The following LRRC4C variants were observed in gnomAD, a reference collection of about 807,000 sequenced individuals.
LRRC4C encodes the protein leucine rich repeat containing 4C.
LRRC4C carries 5 observed loss-of-function variants against 33.6 expected under a neutral mutation model. That is an observed-to-expected ratio of 0.15 (90% CI 0.08 to 0.31). The LOEUF (loss-of-function observed/expected upper bound fraction) is 0.31. Among genes scored for constraint, LRRC4C ranks in the 10% least tolerant of loss-of-function variants. The probability of loss-of-function intolerance (pLI) is 1.00; values close to 1 mark genes in which losing one functional copy is unlikely to be tolerated. For missense variants in LRRC4C, 560 were observed against 796.7 expected (o/e 0.70, Z 3.58); for synonymous variants, 329 against 302.0 (o/e 1.09, Z -0.93).
intron 2 of LRRC4C, among the ~76,000 whole-genome samples, chr11:40,688,213 G>C (rs555524879): frequency 4.2e-4 from 64 of 152,184 alleles, no homozygotes; most frequent in Non-Finnish European, 7.9e-4. Context: ...TTATCACACA[G>C]AGCTGCCCAG....
chr11:40,785,485 A>G (rs1448198399), intron 2 of LRRC4C, among the ~76,000 whole-genome samples: 1 of 152,184 alleles, frequency 6.6e-6, no homozygotes, highest in Non-Finnish European at 1.5e-5. Flanking sequence ...ATAGTTTACT[A>G]GAGAAATAAT....
At chr11:40,728,513 C>G (rs1947399410) in intron 2 of LRRC4C, among the ~76,000 whole-genome samples, 4 of 150,958 alleles carry the variant, frequency 2.6e-5, no homozygotes. Flanking sequence ...GTAGTCCCAG[C>G]CTCTCGGAAG....
intron 1 of LRRC4C, among the ~76,000 whole-genome samples, chr11:40,960,676 G>A (rs1344127852): frequency 6.6e-6 from 1 of 151,728 alleles, no homozygotes; most frequent in Non-Finnish European, 1.5e-5. Context: ...CAGATAATTT[G>A]TATATATTTA....
chr11:40,281,475 T>C (rs1281969617), intron 4 of LRRC4C, among the ~76,000 whole-genome samples: 1 of 152,082 alleles, frequency 6.6e-6, no homozygotes, highest in East Asian at 1.9e-4. Flanking sequence ...TCCCCTAAGG[T>C]TGTAAAAATC....
chr11:41,151,733 G>T (rs778712656), intron 1 of LRRC4C, among the ~76,000 whole-genome samples: 2 of 151,894 alleles, frequency 1.3e-5, no homozygotes, highest in Non-Finnish European at 2.9e-5. Context: ...CATACATAAG[G>T]CACTCACTAA....
intron 1 of LRRC4C, among the ~76,000 whole-genome samples, chr11:41,026,720 A>G (rs1418114493): frequency 6.6e-6 from 1 of 151,520 alleles, no homozygotes; most frequent in Admixed American, 6.6e-5. Context: ...AGCCATCGAC[A>G]TTGAGAAAAG....
At chr11:40,290,945 T>C (rs939719940) in intron 4 of LRRC4C, among the ~76,000 whole-genome samples, 2 of 152,136 alleles carry the variant, frequency 1.3e-5, no homozygotes, top group African/African-American at 2.4e-5. Flanking sequence ...CCAGGCTATG[T>C]ATACCTGTCC....
intron 2 of LRRC4C, among the ~76,000 whole-genome samples, chr11:40,911,771 C>G (rs1336898443): frequency 1.3e-5 from 2 of 152,088 alleles, no homozygotes; most frequent in South Asian, 2.1e-4. Context: ...AAGTTCGAAC[C>G]CATGGCAAAG....
chr11:40,655,350 T>A (rs376969078), intron 2 of LRRC4C, among the ~76,000 whole-genome samples: 32 of 152,184 alleles, frequency 2.1e-4, no homozygotes, highest in African/African-American at 7.5e-4. Context: ...TGTGGCTGAT[T>A]GAAGTAAACT....
chr11:40,475,733 T>G (rs1953182655), intron 3 of LRRC4C, among the ~76,000 whole-genome samples: 1 of 152,154 alleles, frequency 6.6e-6, no homozygotes, highest in South Asian at 2.1e-4. Flanking sequence ...TTATACAACT[T>G]CACAAAATTG....
At chr11:40,930,401 T>C (rs536542495) in intron 2 of LRRC4C, among the ~76,000 whole-genome samples, 1 of 152,308 alleles carries the variant, frequency 6.6e-6, no homozygotes, top group African/African-American at 2.4e-5. Context: ...GAGGACAGCA[T>C]GAAAAGGCAA....
intron 2 of LRRC4C, among the ~76,000 whole-genome samples, chr11:40,921,498 T>C (rs1957177618): frequency 6.6e-6 from 1 of 152,108 alleles, no homozygotes; most frequent in Non-Finnish European, 1.5e-5. Flanking sequence ...GAATCCTCCC[T>C]TAGATCACCA....
chr11:40,585,281 A>T (rs549510960), intron 3 of LRRC4C, among the ~76,000 whole-genome samples: 8 of 152,254 alleles, frequency 5.3e-5, no homozygotes, highest in African/African-American at 1.9e-4. Flanking sequence ...TGCCCACCCT[A>T]CATCACTCTG....
intron 2 of LRRC4C, among the ~76,000 whole-genome samples, chr11:40,902,013 C>CT (rs1329328697): frequency 8.0e-4 from 93 of 116,322 alleles, no homozygotes; most frequent in African/African-American, 3.5e-3. Context: ...CACACACACA[C>CT]ACACACACAC....
At chr11:40,137,959 A>G (rs1170612988) in intron 6 of LRRC4C, among the ~76,000 whole-genome samples, 2 of 152,352 alleles carry the variant, frequency 1.3e-5, no homozygotes, top group South Asian at 4.1e-4. Context: ...AAAACACGGT[A>G]TGCTTTCCAT....
intron 1 of LRRC4C, among the ~76,000 whole-genome samples, chr11:41,403,192 C>T (rs1954091207): frequency 6.6e-6 from 1 of 152,042 alleles, no homozygotes; most frequent in South Asian, 2.1e-4. Context: ...CTGAAAAAGT[C>T]ATTTCAAAAA....
intron 1 of LRRC4C, among the ~76,000 whole-genome samples, chr11:41,198,646 A>G (rs1250629723): frequency 2.0e-5 from 3 of 151,924 alleles, no homozygotes; most frequent in Admixed American, 1.3e-4. Context: ...ATGGAGGGAA[A>G]TAGAAAAACA....
In LRRC4C at chr11:40,624,139, G is replaced by A. The variant is rs77600480; in HGVS notation, c.-270+24003C>T. ...AAAGAGTTGGGTGCTATTCTGTTTG[G>A]TCAGTGTGTTCCACCCTTGAGCAAA... On this transcript the variant is annotated intron_variant, in intron 3 of 6. Transcript: ENST00000528697. Among the ~76,000 whole-genome samples the A allele has an allele frequency of 2.8e-4, 43 of 152,096 alleles. No individual in the cohort carries two copies. The East Asian group carries it at 7.4e-3, about 26-fold the overall frequency.
intron 2 of LRRC4C, among the ~76,000 whole-genome samples, chr11:40,817,889 A>T (rs928162513): frequency 3.3e-5 from 5 of 152,138 alleles, no homozygotes; most frequent in African/African-American, 1.2e-4. Flanking sequence ...TTCTATCAGC[A>T]TAACACACAT....
Sources: gnomAD v4.1 joint callset for allele counts (sites outside exome capture counted in the v4.1 genomes callset) on GRCh38, gnomAD v4.1.1 for gene constraint, MANE v1.5 for transcripts, NCBI Gene and HGNC (gene_info 2026-07-23, HGNC 2026-07-21) for gene names.